Variants in DNAJC24 observed in about 807,000 individuals in gnomAD.
DNAJC24 encodes dnaJ homolog subfamily C member 24.
A neutral mutation model predicts 18.0 loss-of-function variants in DNAJC24; 17 were observed. The observed-to-expected ratio is 0.94, with a 90% confidence interval of 0.65 to 1.42. The LOEUF (loss-of-function observed/expected upper bound fraction) is 1.42, where lower values mean the gene tolerates loss of function less well. DNAJC24 is among the 40% of genes most tolerant of loss of function. The probability of loss-of-function intolerance (pLI) is 0.00; values close to 1 mark genes in which losing one functional copy is unlikely to be tolerated. For synonymous variants in DNAJC24, 55 were observed against 57.7 expected (o/e 0.95, Z 0.21); for missense variants, 158 against 175.6 (o/e 0.90, Z 0.57).
intron 2 of DNAJC24, among the ~76,000 whole-genome samples, chr11:31,401,482 T>TC (rs765192278): frequency 2.0e-5 from 3 of 151,690 alleles, no homozygotes; most frequent in East Asian, 1.9e-4. Context: ...CTTCACTACC[T>TC]CCCCCTCTTC....
At position 31,430,879 on chromosome 11, in the gene DNAJC24, T is replaced by G. The variant is rs1007048398; in HGVS notation, c.*478T>G. On this transcript the variant is annotated 3_prime_UTR_variant, in exon 5 of 5. Coordinates refer to ENST00000465995, the MANE Select transcript of DNAJC24 (RefSeq NM_181706.5). ...CCATAAGGAAGGCTGGTTATGGATA[T>G]TCATAAGGTTATTTCAAAGTTAATA... 6.6e-6 allele frequency: 1 copy of G among 152,624 alleles called. No homozygotes were observed. Among genetic ancestry groups the G allele is most frequent in the Non-Finnish European group, 1.5e-5 (1 of 68,034 alleles). 9.5% of individuals were successfully genotyped at this position (152,624 alleles called of 1,614,324 possible). A position where few individuals can be genotyped will look rare whatever the true frequency, so the allele number is the denominator to read the frequency against.
At chr11:31,380,297 A>G (rs1952363966) in intron 2 of DNAJC24, among the ~76,000 whole-genome samples, 2 of 152,230 alleles carry the variant, frequency 1.3e-5, no homozygotes, top group Admixed American at 1.3e-4. Flanking sequence ...TAGAACAAAG[A>G]CACATAATAA....
chr11:31,414,615 G>T (rs1368582810), intron 2 of DNAJC24, among the ~76,000 whole-genome samples, 196 bp from the exon 3 acceptor site: 1 of 152,154 alleles, frequency 6.6e-6, no homozygotes, highest in Non-Finnish European at 1.5e-5. Flanking sequence ...GTCACTGGTG[G>T]ATTTATAGCT....
At chr11:31,373,957 G>A in intron 2 of DNAJC24, 1 of 224,822 alleles carries the variant, frequency 4.4e-6, no homozygotes, top group South Asian at 5.0e-5. Flanking sequence ...CTACAATCTA[G>A]GTAAATTTGC....
chr11:31,424,052 A>G (rs1031930863), intron 3 of DNAJC24, among the ~76,000 whole-genome samples: 11 of 152,212 alleles, frequency 7.2e-5, no homozygotes, highest in Non-Finnish European at 8.8e-5. Context: ...GAGAAGAACA[A>G]TAGCTTCCCA....
chr11:31,426,818 T>C (rs1952867107), intron 4 of DNAJC24: 1 of 151,946 alleles, frequency 6.6e-6, no homozygotes, highest in South Asian at 2.1e-4. Context: ...ATTTTTTTTT[T>C]TTTTTTTTTA....
At chr11:31,382,210 A>C (rs1952384087) in intron 2 of DNAJC24, among the ~76,000 whole-genome samples, 1 of 152,212 alleles carries the variant, frequency 6.6e-6, no homozygotes, top group African/African-American at 2.4e-5. Flanking sequence ...TATATAGCAC[A>C]GTAATTAAAA....
chr11:31,394,620 C>T (rs183861735), intron 2 of DNAJC24, among the ~76,000 whole-genome samples: 93 of 151,362 alleles, frequency 6.1e-4, no homozygotes, highest in African/African-American at 2.2e-3. Context: ...CAACTCTTGA[C>T]TCAAAAGAAA....
rs1473453118 is a variant in DNAJC24 at position 31,429,461 on chromosome 11, ATAAGT to A, written c.320-807_320-803del. On this transcript the variant is annotated intron_variant, in intron 4 of 4. Transcript: ENST00000465995. ...TAATGGTGGTAAAATAATGTGACTG[ATAAGT>A]TATTTTCCTTTGACAGTTACTTCTC... 4 of 384,716 alleles carry A rather than the reference ATAAGT, an allele frequency of 1.0e-5. No homozygotes were observed. In the East Asian group the frequency reaches 2.2e-4, roughly 21 times the overall value. 23.8% of individuals were successfully genotyped at this position (384,716 alleles called of 1,614,324 possible). A position where few individuals can be genotyped will look rare whatever the true frequency, so the allele number is the denominator to read the frequency against.
chr11:31,429,402 G>T, intron 4 of DNAJC24: 1 of 326,748 alleles, frequency 3.1e-6, no homozygotes, highest in Non-Finnish European at 6.8e-6. Context: ...GAAATCATGA[G>T]TCCTTTGAGA....
At chr11:31,420,784 T>G (rs1435625790) in intron 3 of DNAJC24, among the ~76,000 whole-genome samples, 1 of 152,132 alleles carries the variant, frequency 6.6e-6, no homozygotes, top group Non-Finnish European at 1.5e-5. Context: ...TCTCAATCAC[T>G]ATTTTGTATG....
At chr11:31,394,700 T>G (rs1411206272) in intron 2 of DNAJC24, among the ~76,000 whole-genome samples, 3 of 151,988 alleles carry the variant, frequency 2.0e-5, no homozygotes, top group African/African-American at 7.2e-5. Flanking sequence ...CTAAAATAAT[T>G]ATCAAATACA....
chr11:31,403,679 T>C (rs546441785), intron 2 of DNAJC24, among the ~76,000 whole-genome samples: 1 of 152,312 alleles, frequency 6.6e-6, no homozygotes, highest in East Asian at 1.9e-4. Context: ...TTTCTTCTTA[T>C]TTGAAGTCTG....
chr11:31,401,889 C>T (rs989365281), intron 2 of DNAJC24, among the ~76,000 whole-genome samples: 2 of 152,114 alleles, frequency 1.3e-5, no homozygotes, highest in Admixed American at 6.6e-5. Flanking sequence ...AGGATTCCAT[C>T]ATAAATAAAT....
chr11:31,388,701 T>G (rs938386137), intron 2 of DNAJC24, among the ~76,000 whole-genome samples: 1 of 152,118 alleles, frequency 6.6e-6, no homozygotes, highest in Non-Finnish European at 1.5e-5. Context: ...TAACGATAAG[T>G]ACACAGAAAA....
At chr11:31,429,409 G>C (rs1952897292) in intron 4 of DNAJC24, 2 of 345,094 alleles carry the variant, frequency 5.8e-6, no homozygotes, top group Non-Finnish European at 1.3e-5. Flanking sequence ...TGAGTCCTTT[G>C]AGACTTATTT....
Position 31,430,875 on chromosome 11 carries a change from G to T in DNAJC24, c.*474G>T, listed in dbSNP as rs1349184828. 1.3e-5 allele frequency: 2 copies of T among 152,578 alleles called. No individual in the cohort carries two copies. Among genetic ancestry groups the T allele is most frequent in the Non-Finnish European group, 2.9e-5 (2 of 68,050 alleles). 9.5% of individuals were successfully genotyped at this position (152,578 alleles called of 1,614,324 possible). On this transcript the variant is annotated 3_prime_UTR_variant, in exon 5 of 5. Transcript: ENST00000465995. ...TCTTCCATAAGGAAGGCTGGTTATGGATATTCATAAGGTTATTTCAAAGTT... is the reference window on the plus strand; with the variant it reads ...TCTTCCATAAGGAAGGCTGGTTATGTATATTCATAAGGTTATTTCAAAGTT...
intron 2 of DNAJC24, among the ~76,000 whole-genome samples, chr11:31,395,926 C>G (rs1333985814): frequency 1.3e-5 from 2 of 152,168 alleles, no homozygotes; most frequent in Non-Finnish European, 2.9e-5. Context: ...CTCCAGTTAT[C>G]TCTTGTATCT....
intron 3 of DNAJC24, among the ~76,000 whole-genome samples, chr11:31,422,395 CT>C (rs1039996285): frequency 1.3e-5 from 2 of 152,110 alleles, no homozygotes; most frequent in African/African-American, 4.8e-5. Flanking sequence ...CCAGACAATG[CT>C]TTTTATTTCC....
Sources: allele counts gnomAD v4.1 joint callset (sites outside exome capture counted in the v4.1 genomes callset), GRCh38; gene constraint gnomAD v4.1.1; transcripts MANE v1.5; gene names NCBI Gene and HGNC (gene_info 2026-07-23, HGNC 2026-07-21).